Variants in CEACAM16 observed in about 807,000 individuals in gnomAD.
The protein encoded by CEACAM16 is CEA cell adhesion molecule 16, tectorial membrane component.
A neutral mutation model predicts 39.4 loss-of-function variants in CEACAM16; 30 were observed. The observed-to-expected ratio is 0.76, with a 90% confidence interval of 0.57 to 1.03. The LOEUF (loss-of-function observed/expected upper bound fraction) is 1.03. Among genes scored for constraint, CEACAM16 ranks in the 50% least tolerant of loss-of-function variants. CEACAM16 has a pLI of 0.00. For missense variants in CEACAM16, 521 were observed against 585.3 expected (o/e 0.89, Z 1.13); for synonymous variants, 262 against 264.9 (o/e 0.99, Z 0.11).
In CEACAM16 at chr19:44,701,543, G is replaced by A. The variant is rs1186625920; in HGVS notation, c.37+50G>A. On this transcript the variant is annotated intron_variant, in intron 2 of 6. Coordinates refer to ENST00000587331, the MANE Select transcript of CEACAM16 (RefSeq NM_001039213.4). This position sits in a 1 kb window ranked among gnomAD's most constrained non-coding sequence, Gnocchi z 4.0. The stretch of plus-strand genomic sequence containing the variant: ...CACCTCAGCCCCCCGAGGACCCCAG[G>A]GAGGGGAGGGGACCCCCAGTCTGAG... 6.6e-7 allele frequency: 1 copy of A among 1,521,474 alleles called. No homozygotes were observed. The highest frequency in any genetic ancestry group is 1.4e-5 in the African/African-American group (1 of 72,542). The allele number at this position is 1,521,474 out of a possible 1,614,324, so 94.2% of individuals were successfully genotyped here.
intron 6 of CEACAM16, among the ~76,000 whole-genome samples, chr19:44,709,482 C>A (rs1485097175): frequency 7.1e-6 from 1 of 140,688 alleles, no homozygotes. Flanking sequence ...GACCATGTCT[C>A]CTTCATCAGA....
chr19:44,707,761 G>A, intron 5 of CEACAM16, 100 bp from the exon 6 acceptor site: 7 of 1,045,808 alleles, frequency 6.7e-6, no homozygotes, highest in Non-Finnish European at 9.5e-6. Flanking sequence ...ACCCTACATG[G>A]GGAGTGCCAG....
intron 5 of CEACAM16, 27 bp downstream of exon 5, chr19:44,705,895 C>G (rs761759974): frequency 6.3e-7 from 1 of 1,596,740 alleles, no homozygotes. Flanking sequence ...CTGACCACCC[C>G]CCAGTCCCCA....
intron 2 of CEACAM16, among the ~76,000 whole-genome samples, chr19:44,702,885 A>G (rs984366004): frequency 1.3e-5 from 2 of 152,228 alleles, no homozygotes; most frequent in African/African-American, 4.8e-5. Context: ...CACTTGCTGT[A>G]TGCAAGATGT....
chr19:44,701,404 C>T lies in CEACAM16; in HGVS notation c.-53C>T, dbSNP rs369725677. On this transcript the variant is annotated 5_prime_UTR_variant, in exon 2 of 7. Transcript: ENST00000587331. This position sits in a 1 kb window ranked among gnomAD's most constrained non-coding sequence, Gnocchi z 4.0. Reference sequence around the variant, plus strand: ...CCGAGCCCCAACCAGGAAGGGAGTCCGAGCACTGGGACTTCAACGCCACCA... The same window carrying T: ...CCGAGCCCCAACCAGGAAGGGAGTCTGAGCACTGGGACTTCAACGCCACCA... 230 of 1,548,008 alleles carry T rather than the reference C, an allele frequency of 1.5e-4. 1 individual carries two copies. Among genetic ancestry groups the T allele is most frequent in the Non-Finnish European group, 1.4e-4 (156 of 1,143,130 alleles).
At chr19:44,705,529 G>T in intron 4 of CEACAM16, 61 bp from the exon 5 acceptor site, 2 of 1,514,224 alleles carry the variant, frequency 1.3e-6, no homozygotes, top group Non-Finnish European at 8.9e-7. Flanking sequence ...AAAACCAGGG[G>T]TACCAACCTC....
intron 6 of CEACAM16, among the ~76,000 whole-genome samples, chr19:44,709,392 A>G (rs1346716625): frequency 6.7e-6 from 1 of 149,368 alleles, no homozygotes; most frequent in East Asian, 2.0e-4. Flanking sequence ...GTCAGGGTCT[A>G]TGTCTCCTCC....
At chr19:44,705,312 C>A (rs1333756620) in intron 4 of CEACAM16, among the ~76,000 whole-genome samples, 1 of 151,894 alleles carries the variant, frequency 6.6e-6, no homozygotes, top group Non-Finnish European at 1.5e-5. Context: ...ATCATTTAGG[C>A]TTTTTTTATT....
At position 44,701,112 on chromosome 19, in the gene CEACAM16, T is replaced by C. The variant is rs542215844; in HGVS notation, c.-96-249T>C. On this transcript the variant is annotated intron_variant, in intron 1 of 6. Transcript: ENST00000587331. This position sits in a 1 kb window ranked among gnomAD's most constrained non-coding sequence, Gnocchi z 4.0. Reference sequence around the variant, plus strand: ...ACGGGCCTGGGTGGTTGGTAAGAACTACCCGAAAACCTTCCCCTACTTTTC... The same window carrying C: ...ACGGGCCTGGGTGGTTGGTAAGAACCACCCGAAAACCTTCCCCTACTTTTC... Among the ~76,000 whole-genome samples, 14 of 152,330 alleles carry C rather than the reference T, an allele frequency of 9.2e-5. No individual in the cohort carries two copies. Among genetic ancestry groups the C allele is most frequent in the African/African-American group, 3.4e-4 (14 of 41,582 alleles).
chr19:44,709,210 C>T (rs370857684), intron 6 of CEACAM16, among the ~76,000 whole-genome samples: 11 of 151,196 alleles, frequency 7.3e-5, no homozygotes, highest in South Asian at 4.2e-4. Context: ...TGGGAGCTCC[C>T]GGAGTCAGGG....
At chr19:44,702,191 G>A (rs765363210) in intron 2 of CEACAM16, among the ~76,000 whole-genome samples, 1 of 152,090 alleles carries the variant, frequency 6.6e-6, no homozygotes, top group Non-Finnish European at 1.5e-5. Context: ...TGCTCGGGAG[G>A]CTGAGGCAGG....
intron 6 of CEACAM16, among the ~76,000 whole-genome samples, chr19:44,709,432 C>A (rs1599815779): frequency 1.4e-5 from 2 of 147,282 alleles, no homozygotes; most frequent in African/African-American, 5.1e-5. Flanking sequence ...GAGTCAGGGA[C>A]CATGTCTCCT....
At chr19:44,699,700 G>A (rs150889656) in intron 1 of CEACAM16, among the ~76,000 whole-genome samples, 1 of 152,200 alleles carries the variant, frequency 6.6e-6, no homozygotes, top group African/African-American at 2.4e-5. Flanking sequence ...CCCGGCCAGA[G>A]CCTATACTTT....
intron 6 of CEACAM16, 94 bp from the exon 7 acceptor site, chr19:44,710,402 T>G: frequency 4.3e-6 from 6 of 1,401,544 alleles, no homozygotes; most frequent in African/African-American, 1.4e-5. Context: ...TGGCCCGGGG[T>G]GGGCAGGGGA....
At chr19:44,700,417 C>A (rs1205572828) in intron 1 of CEACAM16, among the ~76,000 whole-genome samples, 2 of 152,032 alleles carry the variant, frequency 1.3e-5, no homozygotes. Context: ...GGACTACAGG[C>A]ACCTGCCACC....
intron 3 of CEACAM16, 109 bp from the exon 4 acceptor site, chr19:44,703,909 G>A (rs1249402449): frequency 7.7e-7 from 1 of 1,303,040 alleles, no homozygotes; most frequent in Non-Finnish European, 1.0e-6. Flanking sequence ...CTCCGGCTGA[G>A]GGTGTGGGGG....
At chr19:44,706,495 C>A (rs780236581) in intron 5 of CEACAM16, among the ~76,000 whole-genome samples, 8 of 152,126 alleles carry the variant, frequency 5.3e-5, no homozygotes, top group Non-Finnish European at 7.4e-5. Flanking sequence ...AACATTAAGG[C>A]CTCATTAATT....
At position 44,707,871 on chromosome 19, in the gene CEACAM16, T is replaced by C. The variant is rs753912466; in HGVS notation, c.951T>C (p.Val317=). 1 of 1,544,658 alleles carries C rather than the reference T, an allele frequency of 6.5e-7. No individual in the cohort carries two copies. Residue 317 remains valine (V), a synonymous_variant, in exon 6 of 7, where the codon GTT becomes GTC. Transcript: ENST00000587331. Reference sequence around the variant, plus strand: ...TCGCTCTCTCCCCAGCTGCAGCAGTTGCCACGATGATCGTGCCCGTGCCCA... The same window carrying C: ...TCGCTCTCTCCCCAGCTGCAGCAGTCGCCACGATGATCGTGCCCGTGCCCA... ...SVVVKLSAAA[V]ATMIVPVPTK...
chr19:44,705,706 C>T lies in CEACAM16; in HGVS notation c.778C>T (p.Pro260Ser), dbSNP rs763690794. 1 of 1,614,000 alleles carries T rather than the reference C, an allele frequency of 6.2e-7. No homozygotes were observed. The highest frequency in any genetic ancestry group is 1.1e-5 in the South Asian group (1 of 91,084). Residue 260 changes from proline (P) to serine (S), a missense_variant, in exon 5 of 7, where the codon CCC (proline) becomes TCC (serine). Physicochemically the swap from Pro to Ser is moderately conservative, Grantham distance 74 (BLOSUM62 -1). Transcript: ENST00000587331. Reference sequence around the variant, plus strand: ...GTGCGTGTCCAGGTCCTGCCCAGAGCCCGAGTATGTGTGGACCTTCAACGG... The same window carrying T: ...GTGCGTGTCCAGGTCCTGCCCAGAGTCCGAGTATGTGTGGACCTTCAACGG... ...LWCVSRSCPE[P>S]EYVWTFNGQA...
Sources: allele counts gnomAD v4.1 joint callset (sites outside exome capture counted in the v4.1 genomes callset), GRCh38; gene constraint gnomAD v4.1.1; non-coding constraint Gnocchi (gnomAD v3.1); transcripts MANE v1.5; gene names NCBI Gene and HGNC (gene_info 2026-07-23, HGNC 2026-07-21).